The following GRM5 variants were observed in gnomAD, a reference collection of about 807,000 sequenced individuals.
The protein encoded by GRM5 is metabotropic glutamate receptor 5.
Under a neutral mutation model 83.1 loss-of-function variants are expected in GRM5, and 19 were observed. The ratio of observed to expected loss-of-function variants is 0.23; its 90% CI spans 0.16 to 0.34. The LOEUF (loss-of-function observed/expected upper bound fraction) is 0.34. GRM5 is among the 10% of genes least tolerant of loss of function. GRM5 has a pLI of 1.00. For missense variants in GRM5, 1,160 were observed against 1,588.3 expected (o/e 0.73, Z 4.58); for synonymous variants, 675 against 633.6 (o/e 1.07, Z -0.98).
At position 88,723,482 on chromosome 11, in the gene GRM5, C is replaced by T. The variant is rs147968477; in HGVS notation, c.912-70079G>A. Among the ~76,000 whole-genome samples the T allele has an allele frequency of 4.3e-3, 662 of 152,186 alleles. 12 individuals are homozygous for T. In the East Asian group the frequency reaches 0.062, roughly 14 times the overall value. On this transcript the variant is annotated intron_variant, in intron 3 of 9. Coordinates refer to ENST00000305447, the MANE Select transcript of GRM5 (RefSeq NM_001143831.3). ...TCGTTTGTATTCCAAAGTGGCTATG[C>T]CATTTCGAATTCCCACAAGCAATCA...
At position 88,734,837 on chromosome 11, in the gene GRM5, GA is replaced by G. The variant is rs1031985536; in HGVS notation, c.912-81435del. ...GTGTTTGTTATTGACAATGAATATG[GA>G]AAATTGGAAATGGATTCCAGAGATG... is the stretch of plus-strand genomic sequence containing the variant. On this transcript the variant is annotated intron_variant, in intron 3 of 9. Coordinates refer to ENST00000305447, the MANE Select transcript of GRM5 (RefSeq NM_001143831.3). 3.9e-5 allele frequency among the ~76,000 whole-genome samples: 6 copies of G among 152,136 alleles called. 1 individual carries two copies. The highest frequency in any genetic ancestry group is 1.4e-4 in the African/African-American group (6 of 41,552).
intron 8 of GRM5, among the ~76,000 whole-genome samples, chr11:88,540,884 T>A (rs1942249807): frequency 6.6e-6 from 1 of 151,952 alleles, no homozygotes; most frequent in Admixed American, 6.6e-5. Context: ...GTAGCTGGGA[T>A]TACAGGTGCC....
rs780067745 is a variant in GRM5 at position 89,047,818 on chromosome 11, T to C, written c.55A>G (p.Ser19Gly). ...ACCCTCCTCTCACTGGACTGTGCAC[T>C]CCCACGGACATCTTCTTTCAAAAGT... ...VLLLKEDVRG[S>G]AQSSERRVVA... The change falls in exon 2 of 10, where the codon AGT (serine) becomes GGT (glycine). Residue 19 changes from serine (S) to glycine (G), a missense_variant. Coordinates refer to ENST00000305447, the MANE Select transcript of GRM5 (RefSeq NM_001143831.3). The surrounding 1 kb of genome is among the most constrained non-coding windows in gnomAD (Gnocchi z 5.1). The C allele has an allele frequency of 6.2e-7, 1 of 1,613,774 alleles. No homozygotes were observed. Among genetic ancestry groups the C allele is most frequent in the South Asian group, 1.1e-5 (1 of 91,072 alleles).
chr11:89,059,363 T>C (rs1454094029), intron 1 of GRM5, among the ~76,000 whole-genome samples: 1 of 152,210 alleles, frequency 6.6e-6, no homozygotes, highest in Non-Finnish European at 1.5e-5. Flanking sequence ...AGCATTTGCA[T>C]GTTTATTTTA....
At chr11:89,045,468 C>T (rs764640266) in intron 2 of GRM5, among the ~76,000 whole-genome samples, 2 of 152,062 alleles carry the variant, frequency 1.3e-5, no homozygotes, top group Non-Finnish European at 1.5e-5. Context: ...TACAGAAATG[C>T]CCCTTGTTTT....
chr11:88,586,428 C>G (rs1943317253), intron 7 of GRM5, among the ~76,000 whole-genome samples: 1 of 152,212 alleles, frequency 6.6e-6, no homozygotes, highest in South Asian at 2.1e-4. Context: ...CAGTTCCTGT[C>G]ACATAGAAAG....
chr11:88,682,243 A>G lies in GRM5; in HGVS notation c.912-28840T>C, dbSNP rs76733682. 5.8e-3 allele frequency among the ~76,000 whole-genome samples: 887 copies of G among 152,250 alleles called. 7 individuals carry two copies. Among genetic ancestry groups the G allele is most frequent in the African/African-American group, 0.021 (854 of 41,544 alleles). On this transcript the variant is annotated intron_variant, in intron 3 of 9. Transcript: ENST00000305447. ...TGAGCTCCAGACTCATCTACTCTCT[A>G]TGTATCAGTATATGCCTATTTAGGA...
intron 2 of GRM5, among the ~76,000 whole-genome samples, chr11:88,971,981 C>A (rs1467004677): frequency 6.6e-6 from 1 of 152,068 alleles, no homozygotes; most frequent in Non-Finnish European, 1.5e-5. Flanking sequence ...GGAGCTTCCA[C>A]TAGTCAAGTC....
intron 2 of GRM5, among the ~76,000 whole-genome samples, chr11:88,875,162 A>G (rs187509025): frequency 2.6e-5 from 4 of 151,652 alleles, no homozygotes; most frequent in African/African-American, 9.7e-5. Flanking sequence ...AACTGCTTTT[A>G]AAATTGGAGT....
At chr11:89,064,698 G>A (rs1180013946) in intron 1 of GRM5, among the ~76,000 whole-genome samples, 2 of 151,760 alleles carry the variant, frequency 1.3e-5, no homozygotes, top group African/African-American at 2.4e-5. Context: ...TCAAGGTCAT[G>A]TTTCTCTAGA....
At chr11:88,532,139 A>G (rs10501667) in intron 8 of GRM5, among the ~76,000 whole-genome samples, 44,344 of 152,008 alleles carry the variant, frequency 0.29, 7,823 homozygotes, top group East Asian at 0.57. Flanking sequence ...AAATTTTAGT[A>G]ACTCAATATG....
intron 2 of GRM5, among the ~76,000 whole-genome samples, chr11:88,965,443 C>G (rs2134993085): frequency 6.6e-6 from 1 of 152,192 alleles, no homozygotes; most frequent in East Asian, 1.9e-4. Context: ...AACCCTACCT[C>G]CAAATACCAT....
rs1382352321 is a variant in GRM5, at chr11:88,882,510, G to A, written c.662-32355C>T. Among the ~76,000 whole-genome samples the A allele has an allele frequency of 5.3e-5, 8 of 149,944 alleles. No individual in the cohort carries two copies. In the East Asian group the frequency reaches 1.2e-3, roughly 22 times the overall value. Reference sequence around the variant, plus strand: ...CAGGAGGTGGAGCTCGCAGTGAGCCGAGATAGTGCCACTGCAGTCCGGTCT... The same window carrying A: ...CAGGAGGTGGAGCTCGCAGTGAGCCAAGATAGTGCCACTGCAGTCCGGTCT... On this transcript the variant is annotated intron_variant, in intron 2 of 9. Transcript: ENST00000305447.
At chr11:88,756,768 G>A (rs1202792419) in intron 3 of GRM5, among the ~76,000 whole-genome samples, 3 of 152,042 alleles carry the variant, frequency 2.0e-5, no homozygotes, top group Non-Finnish European at 4.4e-5. Context: ...GGTAGGAGAA[G>A]AGTAAAAAGA....
At chr11:88,720,818 G>A (rs1365517714) in intron 3 of GRM5, among the ~76,000 whole-genome samples, 1 of 120,000 alleles carries the variant, frequency 8.3e-6, no homozygotes. Context: ...GTGTGTGTGT[G>A]TGCGTGTGTG....
At chr11:88,626,713 G>A (rs542972915) in intron 4 of GRM5, among the ~76,000 whole-genome samples, 1 of 152,170 alleles carries the variant, frequency 6.6e-6, no homozygotes, top group African/African-American at 2.4e-5. Context: ...TGGAGATGAA[G>A]TTTTGGGAAG....
intron 3 of GRM5, among the ~76,000 whole-genome samples, chr11:88,805,617 G>T (rs1943486289): frequency 6.6e-6 from 1 of 152,154 alleles, no homozygotes; most frequent in Non-Finnish European, 1.5e-5. Flanking sequence ...CAATGCAAAT[G>T]GAACGGTATT....
intron 1 of GRM5, among the ~76,000 whole-genome samples, chr11:89,064,888 C>CTCTGTGTGTGTG (rs1218318990): frequency 3.1e-4 from 19 of 62,260 alleles, no homozygotes; most frequent in African/African-American, 1.0e-3. Context: ...CTCTCTCTCT[C>CTCTGTGTGTGTG]TGTGTGTGTG....
At chr11:88,665,679 A>G (rs1940024899) in intron 3 of GRM5, among the ~76,000 whole-genome samples, 1 of 152,186 alleles carries the variant, frequency 6.6e-6, no homozygotes, top group Non-Finnish European at 1.5e-5. Flanking sequence ...ATCCAAGTAG[A>G]CTTAAATTTT....
Sources: gnomAD v4.1 joint callset for allele counts (sites outside exome capture counted in the v4.1 genomes callset) on GRCh38, gnomAD v4.1.1 for gene constraint, Gnocchi (gnomAD v3.1) non-coding constraint, MANE v1.5 for transcripts, NCBI Gene and HGNC (gene_info 2026-07-23, HGNC 2026-07-21) for gene names.